SLIT3: variants seen among roughly 807,000 people sequenced by gnomAD.
The protein encoded by SLIT3 is slit guidance ligand 3.
Under a neutral mutation model 184.0 loss-of-function variants are expected in SLIT3, and 68 were observed. That is an observed-to-expected ratio of 0.37 (90% CI 0.30 to 0.45). The LOEUF (loss-of-function observed/expected upper bound fraction) is 0.45, where lower values mean the gene tolerates loss of function less well. Ranked by LOEUF, SLIT3 falls within the 20% of genes least tolerant of loss-of-function variation. The pLI, the probability that SLIT3 is intolerant of heterozygous loss-of-function variation, is 1.00. For missense variants in SLIT3, 1,707 were observed against 2,026.0 expected (o/e 0.84, Z 3.02); for synonymous variants, 831 against 828.6 (o/e 1.00, Z -0.05).
chr5:168,850,179 A>G (rs1328214783), intron 5 of SLIT3, among the ~76,000 whole-genome samples: 1 of 152,226 alleles, frequency 6.6e-6, no homozygotes, highest in Admixed American at 6.5e-5. Context: ...CAGAGAAATC[A>G]AACACTTGAT....
intron 1 of SLIT3, among the ~76,000 whole-genome samples, chr5:169,255,078 G>A (rs565523372): frequency 7.9e-5 from 12 of 152,242 alleles, no homozygotes; most frequent in South Asian, 2.1e-4. Context: ...TTTATGTGAC[G>A]CTGGTGAAAA....
intron 3 of SLIT3, among the ~76,000 whole-genome samples, chr5:169,228,889 C>T (rs1258582142): frequency 2.0e-5 from 3 of 152,164 alleles, no homozygotes; most frequent in Non-Finnish European, 4.4e-5. Context: ...ACTGCTTTGG[C>T]CAGAAATCAT....
intron 32 of SLIT3, among the ~76,000 whole-genome samples, chr5:168,678,217 T>C (rs558341741): frequency 6.6e-6 from 1 of 152,364 alleles, no homozygotes; most frequent in East Asian, 1.9e-4. Flanking sequence ...ATATAATGGC[T>C]GAAGCCAGTG....
At chr5:169,088,691 C>T (rs1238197486) in intron 4 of SLIT3, among the ~76,000 whole-genome samples, 1 of 151,994 alleles carries the variant, frequency 6.6e-6, no homozygotes, top group Non-Finnish European at 1.5e-5. Flanking sequence ...CTCCAAGGAG[C>T]TTTGAGGAAT....
intron 7 of SLIT3, among the ~76,000 whole-genome samples, chr5:168,820,082 A>T (rs1194912170): frequency 6.6e-6 from 1 of 152,216 alleles, no homozygotes; most frequent in East Asian, 1.9e-4. Context: ...CAAATAGTAA[A>T]AGAAAAATAA....
intron 2 of SLIT3, among the ~76,000 whole-genome samples, chr5:169,245,100 C>T (rs1001102770): frequency 1.3e-5 from 2 of 152,204 alleles, no homozygotes. Flanking sequence ...ATAAAAACCA[C>T]ACATAGATTC....
At chr5:168,897,647 TACACAC>T (rs60243688) in intron 4 of SLIT3, among the ~76,000 whole-genome samples, 1 of 141,526 alleles carries the variant, frequency 7.1e-6, no homozygotes, top group African/African-American at 2.6e-5. Flanking sequence ...CAGGTGCACG[TACACAC>T]ACACACACAC....
chr5:169,139,026 T>C (rs1761628028), intron 4 of SLIT3, among the ~76,000 whole-genome samples: 1 of 152,192 alleles, frequency 6.6e-6, no homozygotes. Flanking sequence ...TTTCTCAGCT[T>C]CCTGAAGAGA....
At chr5:168,757,509 C>A (rs922638903) in intron 16 of SLIT3, among the ~76,000 whole-genome samples, 1 of 151,978 alleles carries the variant, frequency 6.6e-6, no homozygotes, top group Non-Finnish European at 1.5e-5. Context: ...TCTCGGCTCA[C>A]TGGAAGCTCC....
In SLIT3 at chr5:168,880,461, T is replaced by C. The variant is rs549059301; in HGVS notation, c.485+2804A>G. Among the ~76,000 whole-genome samples the C allele has an allele frequency of 2.1e-3, 325 of 152,374 alleles. 1 individual carries two copies. Among genetic ancestry groups the C allele is most frequent in the African/African-American group, 7.5e-3 (313 of 41,582 alleles). On this transcript the variant is annotated intron_variant, in intron 5 of 35. Transcript: ENST00000519560. ...CTTATACAGTTTTGCCTTTACACTTTGCACGTACTATCTTTATTACTTTGT... is the reference window on the plus strand; with the variant it reads ...CTTATACAGTTTTGCCTTTACACTTCGCACGTACTATCTTTATTACTTTGT...
At chr5:168,760,116 C>G (rs1277067907) in intron 16 of SLIT3, among the ~76,000 whole-genome samples, 6 of 152,202 alleles carry the variant, frequency 3.9e-5, no homozygotes, top group African/African-American at 1.4e-4. Flanking sequence ...GGCTTCCTCA[C>G]CTGCACAAAG....
chr5:169,183,569 T>A (rs1402725933), intron 4 of SLIT3, among the ~76,000 whole-genome samples: 1 of 152,210 alleles, frequency 6.6e-6, no homozygotes, highest in Non-Finnish European at 1.5e-5. Flanking sequence ...TTTCTCACTC[T>A]GGTCCATGAC....
At chr5:169,192,419 G>GTC (rs1245541852) in intron 4 of SLIT3, among the ~76,000 whole-genome samples, 262 of 124,990 alleles carry the variant, frequency 2.1e-3, no homozygotes, top group African/African-American at 6.3e-3. Context: ...TATGTATATA[G>GTC]TCTCTGTGTG....
intron 13 of SLIT3, 89 bp downstream of exon 13, chr5:168,774,146 T>C (rs749597540): frequency 1.1e-4 from 141 of 1,300,678 alleles, no homozygotes; most frequent in Non-Finnish European, 1.5e-4. Flanking sequence ...GATGTGCTCG[T>C]GCTGCCCTCA....
intron 2 of SLIT3, among the ~76,000 whole-genome samples, chr5:169,250,335 C>G (rs903614884): frequency 1.3e-5 from 2 of 152,100 alleles, no homozygotes; most frequent in African/African-American, 4.8e-5. Flanking sequence ...CAAGTAATCA[C>G]AAAAATAATC....
At chr5:169,259,542 T>C (rs910820003) in intron 1 of SLIT3, among the ~76,000 whole-genome samples, 7 of 152,238 alleles carry the variant, frequency 4.6e-5, no homozygotes, top group African/African-American at 1.7e-4. Flanking sequence ...TAAGACTACC[T>C]GTCCCCTGTA....
At chr5:169,090,032 G>A (rs954939371) in intron 4 of SLIT3, among the ~76,000 whole-genome samples, 7 of 152,172 alleles carry the variant, frequency 4.6e-5, no homozygotes, top group African/African-American at 1.4e-4. Context: ...GTATGCAGGT[G>A]ACAAGAGAAC....
chr5:168,699,769 G>A (rs914042122), intron 27 of SLIT3, among the ~76,000 whole-genome samples: 1 of 152,196 alleles, frequency 6.6e-6, no homozygotes, highest in African/African-American at 2.4e-5. Flanking sequence ...CTACTGGATA[G>A]GGTCTGTAGG....
intron 35 of SLIT3, among the ~76,000 whole-genome samples, chr5:168,667,426 C>G (rs1390160280): frequency 2.0e-5 from 3 of 152,350 alleles, no homozygotes; most frequent in Middle Eastern, 3.4e-3. Context: ...GGAGGCTTCT[C>G]TGGGAAATGA....
Sources: gnomAD v4.1 joint callset for allele counts (sites outside exome capture counted in the v4.1 genomes callset) on GRCh38, gnomAD v4.1.1 for gene constraint, MANE v1.5 for transcripts, NCBI Gene and HGNC (gene_info 2026-07-23, HGNC 2026-07-21) for gene names.